Variants in OR10A2 observed in about 807,000 individuals in gnomAD.
The protein encoded by OR10A2 is olfactory receptor family 10 subfamily A member 2.
OR10A2 carries 15 observed loss-of-function variants against 13.7 expected under a neutral mutation model. The ratio of observed to expected loss-of-function variants is 1.10; its 90% CI spans 0.73 to 1.69. The LOEUF is 1.69. Ranked by LOEUF, OR10A2 falls within the 40% of genes most tolerant of loss-of-function variation. The probability of loss-of-function intolerance (pLI) is 0.00; values close to 1 mark genes in which losing one functional copy is unlikely to be tolerated. For missense variants in OR10A2, 343 were observed against 361.1 expected (o/e 0.95, Z 0.41); for synonymous variants, 145 against 144.7 (o/e 1.00, Z -0.02).
At chr11:6,865,575 T>C (rs1848373514) in intron 1 of OR10A2, among the ~76,000 whole-genome samples, 1 of 152,180 alleles carries the variant, frequency 6.6e-6, no homozygotes, top group Non-Finnish European at 1.5e-5. Flanking sequence ...GACCCACAAA[T>C]ATACAAAGAT....
At chr11:6,864,177 C>T (rs1848362725) in intron 1 of OR10A2, among the ~76,000 whole-genome samples, 1 of 152,126 alleles carries the variant, frequency 6.6e-6, no homozygotes, top group Non-Finnish European at 1.5e-5. Flanking sequence ...CTTTTCTTCC[C>T]CAGTAGTTTT....
intron 1 of OR10A2, among the ~76,000 whole-genome samples, chr11:6,864,359 T>C (rs776093741): frequency 2.6e-5 from 4 of 151,794 alleles, no homozygotes; most frequent in African/African-American, 7.3e-5. Context: ...GAATAAAAAC[T>C]CCAAGAAGAA....
rs73395503 is a variant in OR10A2, at chr11:6,870,868, T to C, written c.*202T>C. The C allele has an allele frequency of 1.9e-3, 912 of 481,662 alleles. 5 individuals carry two copies. Among genetic ancestry groups the C allele is most frequent in the African/African-American group, 0.016 (835 of 52,294 alleles). The allele number at this position is 481,662 out of a possible 1,614,324, so 29.8% of individuals were successfully genotyped here. A position where few individuals can be genotyped will look rare whatever the true frequency, so the allele number is the denominator to read the frequency against. ...CTATGAAAACTCCTCTGCCTGCCCA[T>C]TGTAGACTTACATTGTTTTCCTTGT... is the stretch of plus-strand genomic sequence containing the variant. On this transcript the variant is annotated 3_prime_UTR_variant, in exon 2 of 2. Transcript: ENST00000641461.
At position 6,870,575 on chromosome 11, in the gene OR10A2, C is replaced by G; in HGVS notation, c.821C>G (p.Pro274Arg). ...SYTVMTPMLN[P>R]IIYSLRNNEV... is the part of the protein sequence containing the mutation. ...ACTGTTATGACTCCCATGTTGAACC[C>G]CATTATCTACAGCCTGAGAAATAAC... Residue 274 changes from proline (P) to arginine (R), a missense_variant, in exon 2 of 2, where the codon CCC (proline) becomes CGC (arginine). Transcript: ENST00000641461. The G allele has an allele frequency of 1.2e-6, 2 of 1,614,004 alleles. No homozygotes were observed. Among genetic ancestry groups the G allele is most frequent in the Non-Finnish European group, 1.7e-6 (2 of 1,179,918 alleles).
chr11:6,870,367 T>C lies in OR10A2; in HGVS notation c.613T>C (p.Tyr205His), dbSNP rs556676166. 7.7e-5 allele frequency: 124 copies of C among 1,614,110 alleles called. No individual in the cohort carries two copies. The highest frequency in any genetic ancestry group is 9.8e-5 in the Non-Finnish European group (116 of 1,180,052). Residue 205 changes from tyrosine (Y) to histidine (H), a missense_variant, in exon 2 of 2, where the codon TAT becomes CAT. Transcript: ENST00000641461. The part of the protein sequence containing the change: ...MIPCLLILCS[Y>H]THIAAAILKI... ...CCCCTGCTTGCTGATCTTGTGTTCC[T>C]ATACTCACATTGCTGCTGCCATCCT...
At chr11:6,864,800 G>A (rs889548094) in intron 1 of OR10A2, among the ~76,000 whole-genome samples, 6 of 151,570 alleles carry the variant, frequency 4.0e-5, no homozygotes, top group African/African-American at 1.5e-4. Context: ...TGACATTTCG[G>A]GTGTAGCTTA....
In OR10A2 at chr11:6,870,437, G is replaced by A. The variant is rs746918556; in HGVS notation, c.683G>A (p.Cys228Tyr). The A allele has an allele frequency of 5.0e-6, 8 of 1,614,162 alleles. No homozygotes were observed. Among genetic ancestry groups the A allele is most frequent in the Non-Finnish European group, 6.8e-6 (8 of 1,180,012 alleles). ...GGGAAGAATAAAGCCTTTTCTACAT[G>A]TTCCTCACACCTCCTTGTTGTCTCT... ...AKGKNKAFSTCSSHLLVVSLF... is the reference protein window; with the variant it reads ...AKGKNKAFSTYSSHLLVVSLF... Residue 228 changes from cysteine to tyrosine, a missense_variant, in exon 2 of 2, where the codon TGT (cysteine) becomes TAT (tyrosine). Transcript: ENST00000641461.
At position 6,870,606 on chromosome 11, in the gene OR10A2, G is replaced by A; in HGVS notation, c.852G>A (p.Val284=). The change falls in exon 2 of 2, where the codon GTG becomes GTA. Residue 284 remains valine (V), a synonymous_variant. Coordinates refer to ENST00000641461, the MANE Select transcript of OR10A2 (RefSeq NM_001004460.2). ...PIIYSLRNNE[V]KNALSRTVSK... ...TCTACAGCCTGAGAAATAACGAGGT[G>A]AAGAATGCCCTCAGCAGGACGGTCT... 4 of 1,613,188 alleles carry A rather than the reference G, an allele frequency of 2.5e-6. No homozygotes were observed. The highest frequency in any genetic ancestry group is 2.7e-5 in the African/African-American group (2 of 75,026).
chr11:6,870,873 G>C lies in OR10A2; in HGVS notation c.*207G>C. On this transcript the variant is annotated 3_prime_UTR_variant, in exon 2 of 2. Transcript: ENST00000641461. ...AAAACTCCTCTGCCTGCCCATTGTA[G>C]ACTTACATTGTTTTCCTTGTTTCAA... The C allele has an allele frequency of 4.5e-6, 2 of 439,752 alleles. No individual in the cohort carries two copies. The highest frequency in any genetic ancestry group is 8.1e-6 in the Non-Finnish European group (2 of 248,268). 27.2% of individuals were successfully genotyped at this position (439,752 alleles called of 1,614,324 possible). A position where few individuals can be genotyped will look rare whatever the true frequency, so the allele number is the denominator to read the frequency against.
chr11:6,868,696 T>C (rs1477060491), intron 1 of OR10A2, among the ~76,000 whole-genome samples: 1 of 152,132 alleles, frequency 6.6e-6, no homozygotes, highest in Admixed American at 6.5e-5. Context: ...AACCAGAGTT[T>C]GCTAACCACA....
intron 1 of OR10A2, among the ~76,000 whole-genome samples, chr11:6,865,899 T>A (rs900371010): frequency 6.6e-6 from 1 of 152,180 alleles, no homozygotes; most frequent in Admixed American, 6.5e-5. Context: ...GTCTTTTATA[T>A]CCAGACCTGC....
chr11:6,864,093 G>A (rs905272276), intron 1 of OR10A2, among the ~76,000 whole-genome samples: 5 of 152,170 alleles, frequency 3.3e-5, no homozygotes, highest in African/African-American at 1.2e-4. Flanking sequence ...AGAGGAACTG[G>A]CAAGAACGCT....
Position 6,871,000 on chromosome 11 carries a change from G to A in OR10A2, c.*334G>A, listed in dbSNP as rs1473566166. 2 of 160,010 alleles carry A rather than the reference G, an allele frequency of 1.2e-5. No individual in the cohort carries two copies. The highest frequency in any genetic ancestry group is 2.6e-5 in the African/African-American group (1 of 39,062). 9.9% of individuals were successfully genotyped at this position (160,010 alleles called of 1,614,324 possible). A position where few individuals can be genotyped will look rare whatever the true frequency, so the allele number is the denominator to read the frequency against. On this transcript the variant is annotated 3_prime_UTR_variant, in exon 2 of 2. Transcript: ENST00000641461. ...CTCGCTCTGTCCCCCAGGCTGGAGT[G>A]CAGTGGCGCATCTCTGCTCACTGCA...
chr11:6,873,921 G>A lies in OR10A2; in HGVS notation c.*3255G>A, dbSNP rs1044191125. The A allele has an allele frequency of 6.6e-6, 1 of 152,212 alleles. No homozygotes were observed. The highest frequency in any genetic ancestry group is 1.5e-5 in the Non-Finnish European group (1 of 68,054). The allele number at this position is 152,212 out of a possible 1,614,324, so 9.4% of individuals were successfully genotyped here. On this transcript the variant is annotated 3_prime_UTR_variant, in exon 2 of 2. Coordinates refer to ENST00000641461, the MANE Select transcript of OR10A2 (RefSeq NM_001004460.2). Reference sequence around the variant, plus strand: ...GGCAGTGGTGGTAGAGCTGGAGAAGGTGACACTGAATTAGTGTTTAGGAGT... The same window carrying A: ...GGCAGTGGTGGTAGAGCTGGAGAAGATGACACTGAATTAGTGTTTAGGAGT...
chr11:6,871,865 G>A lies in OR10A2; in HGVS notation c.*1199G>A, dbSNP rs958646538. On this transcript the variant is annotated 3_prime_UTR_variant, in exon 2 of 2. Transcript: ENST00000641461. Reference sequence around the variant, plus strand: ...TATCTGTTTTTATATTTTTGCTAGTGTACCTGACAAATAGAAATCTAGAAA... The same window carrying A: ...TATCTGTTTTTATATTTTTGCTAGTATACCTGACAAATAGAAATCTAGAAA... The A allele has an allele frequency of 6.6e-6, 1 of 152,090 alleles. No homozygotes were observed. The highest frequency in any genetic ancestry group is 2.4e-5 in the African/African-American group (1 of 41,414). 9.4% of individuals were successfully genotyped at this position (152,090 alleles called of 1,614,324 possible).
chr11:6,873,259 C>T lies in OR10A2; in HGVS notation c.*2593C>T, dbSNP rs919017982. ...TTTAAAGACAAGGCATTAGTAGAAA[C>T]AACATTTGGTTCCCAGAGAGACAAT... On this transcript the variant is annotated 3_prime_UTR_variant, in exon 2 of 2. Coordinates refer to ENST00000641461, the MANE Select transcript of OR10A2 (RefSeq NM_001004460.2). 6.6e-6 allele frequency: 1 copy of T among 152,192 alleles called. No individual in the cohort carries two copies. Among genetic ancestry groups the T allele is most frequent in the Non-Finnish European group, 1.5e-5 (1 of 68,028 alleles). 9.4% of individuals were successfully genotyped at this position (152,192 alleles called of 1,614,324 possible).
intron 1 of OR10A2, among the ~76,000 whole-genome samples, chr11:6,865,446 G>T (rs923240180): frequency 1.3e-5 from 2 of 151,814 alleles, no homozygotes; most frequent in African/African-American, 4.8e-5. Flanking sequence ...TTAAATACAT[G>T]CTTCATAATT....
chr11:6,869,482 C>G (rs1387391712), intron 1 of OR10A2, 141 bp from the exon 2 acceptor site: 3 of 456,584 alleles, frequency 6.6e-6, no homozygotes, highest in Admixed American at 3.7e-5. Context: ...AAGGTGTGAA[C>G]AGAAATATCA....
chr11:6,869,250 G>A (rs193192922), intron 1 of OR10A2, among the ~76,000 whole-genome samples: 32 of 152,288 alleles, frequency 2.1e-4, no homozygotes, highest in Admixed American at 1.8e-3. Flanking sequence ...GGTTCATGAA[G>A]AGTAGAAAAC....
Sources: allele counts gnomAD v4.1 joint callset (sites outside exome capture counted in the v4.1 genomes callset), GRCh38; gene constraint gnomAD v4.1.1; transcripts MANE v1.5; gene names NCBI Gene and HGNC (gene_info 2026-07-23, HGNC 2026-07-21).